Variants in CSMD1 observed in about 807,000 individuals in gnomAD.
CSMD1 encodes the protein CUB and Sushi multiple domains 1.
In CSMD1, 213 loss-of-function variants were observed where a neutral mutation model predicts 417.5. The ratio of observed to expected loss-of-function variants is 0.51; its 90% confidence interval spans 0.46 to 0.57. CSMD1 has a LOEUF of 0.57. Among genes scored for constraint, CSMD1 ranks in the 20% least tolerant of loss-of-function variants. The pLI is 0.00. For synonymous variants in CSMD1, 2,862 were observed against 1,736.8 expected (o/e 1.65, Z -16.11); for missense variants, 6,923 against 4,529.7 (o/e 1.53, Z -15.17).
intron 2 of CSMD1, among the ~76,000 whole-genome samples, chr8:4,632,385 C>CG (rs34223839): frequency 0.21 from 31,245 of 151,962 alleles, 3,463 homozygotes; most frequent in African/African-American, 0.3. Context: ...TGGTGGTGCA[C>CG]CCTGTAATCC....
chr8:4,491,327 G>T (rs924442901), intron 2 of CSMD1, among the ~76,000 whole-genome samples: 1 of 152,140 alleles, frequency 6.6e-6, no homozygotes, highest in African/African-American at 2.4e-5. Context: ...TATCTGGAAG[G>T]GGACAAGTCT....
At chr8:4,959,596 G>A (rs1318985389) in intron 1 of CSMD1, among the ~76,000 whole-genome samples, 1 of 152,222 alleles carries the variant, frequency 6.6e-6, no homozygotes. Flanking sequence ...ACTGCTGTAG[G>A]CATTGAGCAG....
At chr8:3,364,506 T>C (rs1235079298) in intron 20 of CSMD1, among the ~76,000 whole-genome samples, 1 of 152,232 alleles carries the variant, frequency 6.6e-6, no homozygotes, top group African/African-American at 2.4e-5. Context: ...TAGTTTATAA[T>C]GACAGTGTCA....
At chr8:4,170,765 G>A (rs1207144136) in intron 3 of CSMD1, among the ~76,000 whole-genome samples, 1 of 151,562 alleles carries the variant, frequency 6.6e-6, no homozygotes, top group Non-Finnish European at 1.5e-5. Flanking sequence ...AGGTAGCTAA[G>A]GGACACAGAA....
chr8:4,702,633 G>A (rs540671618), intron 1 of CSMD1, among the ~76,000 whole-genome samples: 115 of 152,234 alleles, frequency 7.6e-4, no homozygotes, highest in Middle Eastern at 6.8e-3. Context: ...AGAACACACT[G>A]AGAATCACAA....
chr8:3,824,000 G>C (rs1245861006), intron 5 of CSMD1, among the ~76,000 whole-genome samples: 4 of 151,948 alleles, frequency 2.6e-5, no homozygotes, highest in Non-Finnish European at 5.9e-5. Flanking sequence ...TAATGTTTTT[G>C]CTTCCAGTCT....
intron 6 of CSMD1, among the ~76,000 whole-genome samples, chr8:3,714,564 A>C (rs1801719679): frequency 1.4e-5 from 2 of 143,684 alleles, no homozygotes; most frequent in African/African-American, 2.6e-5. Context: ...TCTATCCCAA[A>C]AAAAAAAAAA....
intron 26 of CSMD1, among the ~76,000 whole-genome samples, chr8:3,282,280 A>G (rs1802798461): frequency 6.6e-6 from 1 of 152,134 alleles, no homozygotes; most frequent in Admixed American, 6.5e-5. Context: ...GGGGATGTTG[A>G]CAGGGAGGAG....
At chr8:4,442,545 C>A (rs1189698093) in intron 2 of CSMD1, among the ~76,000 whole-genome samples, 1 of 152,222 alleles carries the variant, frequency 6.6e-6, no homozygotes, top group Non-Finnish European at 1.5e-5. Flanking sequence ...CCTCTCAAAC[C>A]ATATGCAACT....
intron 46 of CSMD1, 70 bp from the exon 47 acceptor site, chr8:3,097,107 T>C: frequency 4.0e-6 from 5 of 1,249,336 alleles, no homozygotes; most frequent in Non-Finnish European, 5.4e-6. Context: ...ATAGTTTCTA[T>C]CCCTGTATAA....
chr8:3,531,212 A>G (rs1012411383), intron 10 of CSMD1, among the ~76,000 whole-genome samples: 1 of 152,084 alleles, frequency 6.6e-6, no homozygotes, highest in Non-Finnish European at 1.5e-5. Context: ...CCTAATTTAA[A>G]ACAACCTAAA....
At chr8:3,651,866 C>G (rs970152755) in intron 7 of CSMD1, among the ~76,000 whole-genome samples, 28 of 150,952 alleles carry the variant, frequency 1.9e-4, no homozygotes, top group Admixed American at 7.9e-4. Flanking sequence ...CCACCATGAG[C>G]ACACTTACCA....
intron 11 of CSMD1, among the ~76,000 whole-genome samples, chr8:3,475,156 C>T (rs11785707): frequency 0.21 from 31,437 of 151,976 alleles, 4,430 homozygotes; most frequent in East Asian, 0.61. Context: ...TGAGGATTCT[C>T]GCTGGGCATT....
chr8:3,311,151 C>G (rs1563258687), intron 23 of CSMD1, among the ~76,000 whole-genome samples: 1 of 152,152 alleles, frequency 6.6e-6, no homozygotes, highest in Admixed American at 6.5e-5. Context: ...ATGCTTAGGA[C>G]AGTTACCTTG....
At chr8:4,536,555 C>T (rs1797111374) in intron 2 of CSMD1, among the ~76,000 whole-genome samples, 1 of 152,178 alleles carries the variant, frequency 6.6e-6, no homozygotes, top group South Asian at 2.1e-4. Context: ...CATTCTCCTT[C>T]TTACAGCAGC....
intron 7 of CSMD1, among the ~76,000 whole-genome samples, chr8:3,633,859 T>C (rs537885093): frequency 6.6e-6 from 1 of 152,300 alleles, no homozygotes; most frequent in Admixed American, 6.5e-5. Flanking sequence ...GTGAACATCA[T>C]AGACACAGAG....
At chr8:4,933,258 T>A (rs1807373503) in intron 1 of CSMD1, among the ~76,000 whole-genome samples, 1 of 152,174 alleles carries the variant, frequency 6.6e-6, no homozygotes, top group South Asian at 2.1e-4. Context: ...CACTAGTAAA[T>A]TTTAGAAAAG....
chr8:4,798,903 A>T (rs1002146841), intron 1 of CSMD1, among the ~76,000 whole-genome samples: 6 of 152,198 alleles, frequency 3.9e-5, no homozygotes, highest in African/African-American at 1.2e-4. Context: ...CTCAGACCAA[A>T]GTAAAAATTC....
chr8:3,259,419 T>G (rs1328865743), intron 26 of CSMD1, among the ~76,000 whole-genome samples: 1 of 125,500 alleles, frequency 8.0e-6, no homozygotes, highest in African/African-American at 2.7e-5. Flanking sequence ...ATGGCCTGAA[T>G]GAATGAGTGA....
Sources: allele counts gnomAD v4.1 joint callset (sites outside exome capture counted in the v4.1 genomes callset), GRCh38; gene constraint gnomAD v4.1.1; transcripts MANE v1.5; gene names NCBI Gene and HGNC (gene_info 2026-07-23, HGNC 2026-07-21).